The following PPFIA2 variants were observed in gnomAD, a reference collection of about 807,000 sequenced individuals.
PPFIA2 encodes PPFI scaffold protein A2.
In PPFIA2, 46 loss-of-function variants were observed where a neutral mutation model predicts 175.5. That is an observed-to-expected ratio of 0.26 (90% CI 0.21 to 0.34). PPFIA2 has a LOEUF of 0.34. Among genes scored for constraint, PPFIA2 ranks in the 10% least tolerant of loss-of-function variants. PPFIA2 has a pLI of 1.00. For missense variants in PPFIA2, 1,179 were observed against 1,506.1 expected (o/e 0.78, Z 3.60); for synonymous variants, 568 against 511.4 (o/e 1.11, Z -1.49).
intron 4 of PPFIA2, among the ~76,000 whole-genome samples, chr12:81,609,882 C>A (rs1406369776): frequency 6.6e-6 from 1 of 152,122 alleles, no homozygotes; most frequent in South Asian, 2.1e-4. Flanking sequence ...GGGCTATGCA[C>A]TTAAATGTGT....
chr12:81,313,348 C>T (rs970619516), intron 22 of PPFIA2, among the ~76,000 whole-genome samples: 5 of 152,032 alleles, frequency 3.3e-5, no homozygotes, highest in Non-Finnish European at 4.4e-5. Flanking sequence ...TCTTTTTTAT[C>T]GCACAATTAT....
In PPFIA2 at chr12:81,267,935, G is replaced by A; in HGVS notation, c.3463C>T (p.Gln1155Ter). The change falls in exon 29 of 33, where the codon CAG becomes TAG. Residue 1155 changes from glutamine to a stop codon, truncating the protein, a stop_gained. Coordinates refer to ENST00000549396, the MANE Select transcript of PPFIA2 (RefSeq NM_003625.5). LOFTEE classifies it high-confidence loss of function. ...GCCTGGGTGTTCTGTGTTGGAATCT[G>A]TAATAATAAAGCTAAGCTGCTGTAG... Reference protein sequence around the residue: ...FDYSSLALLLQIPTQNTQARQ... With the variant: ...FDYSSLALLL The A allele has an allele frequency of 6.3e-7, 1 of 1,596,740 alleles. No individual in the cohort carries two copies. Among genetic ancestry groups the A allele is most frequent in the Non-Finnish European group, 8.5e-7 (1 of 1,170,650 alleles).
At chr12:81,661,825 AG>A (rs1456681916) in intron 4 of PPFIA2, among the ~76,000 whole-genome samples, 2 of 152,230 alleles carry the variant, frequency 1.3e-5, no homozygotes, top group African/African-American at 2.4e-5. Context: ...CAAATCTAAA[AG>A]AACAGAAATT....
At chr12:81,529,874 G>A (rs1262266481) in intron 4 of PPFIA2, among the ~76,000 whole-genome samples, 1 of 151,776 alleles carries the variant, frequency 6.6e-6, no homozygotes, top group Non-Finnish European at 1.5e-5. Flanking sequence ...ATGGGTACTA[G>A]GCTTAATACC....
chr12:81,429,812 G>A (rs2144397754), intron 7 of PPFIA2, among the ~76,000 whole-genome samples: 1 of 152,174 alleles, frequency 6.6e-6, no homozygotes, highest in Non-Finnish European at 1.5e-5. Context: ...TGTTTCAGTT[G>A]ATAAGAGCTG....
rs539044530 is a variant in PPFIA2, at chr12:81,335,240, A to G, written c.2548+3940T>C. On this transcript the variant is annotated intron_variant, in intron 21 of 32. Transcript: ENST00000549396. ...ACATGAGCATATTTGAGCAATAATG[A>G]AAATATCAGAGATGCATTGCATATG... Among the ~76,000 whole-genome samples the G allele has an allele frequency of 1.2e-4, 19 of 152,302 alleles. No individual in the cohort carries two copies. The East Asian group carries it at 3.5e-3, about 28-fold the overall frequency.
intron 4 of PPFIA2, among the ~76,000 whole-genome samples, chr12:81,553,651 A>G (rs193101171): frequency 6.6e-6 from 1 of 152,214 alleles, no homozygotes; most frequent in Non-Finnish European, 1.5e-5. Flanking sequence ...CTGAGCTGCT[A>G]GACATGTGAG....
At chr12:81,365,472 G>T (rs531307601) in intron 14 of PPFIA2, among the ~76,000 whole-genome samples, 2 of 151,706 alleles carry the variant, frequency 1.3e-5, no homozygotes, top group African/African-American at 2.4e-5. Context: ...GGTAGGTGGT[G>T]GGGGAGTGGG....
intron 22 of PPFIA2, among the ~76,000 whole-genome samples, chr12:81,319,597 T>A (rs1192297155): frequency 6.6e-6 from 1 of 151,852 alleles, no homozygotes; most frequent in Non-Finnish European, 1.5e-5. Context: ...AGTAATTGTG[T>A]CTGTACTAAA....
intron 7 of PPFIA2, among the ~76,000 whole-genome samples, chr12:81,406,802 A>G (rs1398005751): frequency 6.6e-6 from 1 of 152,162 alleles, no homozygotes; most frequent in Non-Finnish European, 1.5e-5. Flanking sequence ...ATAAAGGTAC[A>G]TAGTATTTAG....
intron 4 of PPFIA2, among the ~76,000 whole-genome samples, chr12:81,561,097 C>T (rs1234487324): frequency 2.0e-5 from 3 of 152,078 alleles, no homozygotes; most frequent in African/African-American, 7.2e-5. Context: ...AGTGTAATGG[C>T]ATTCCAAATT....
At chr12:81,563,638 C>T (rs958849423) in intron 4 of PPFIA2, among the ~76,000 whole-genome samples, 3 of 152,174 alleles carry the variant, frequency 2.0e-5, no homozygotes, top group Non-Finnish European at 2.9e-5. Context: ...AAACAGACTA[C>T]AGCTCACCAG....
intron 9 of PPFIA2, among the ~76,000 whole-genome samples, chr12:81,380,179 A>G (rs543993497): frequency 1.3e-5 from 2 of 152,230 alleles, no homozygotes; most frequent in African/African-American, 4.8e-5. Flanking sequence ...AGCCTAAGCA[A>G]CATAGTGGGA....
chr12:81,698,380 T>C (rs1434311543), intron 3 of PPFIA2, among the ~76,000 whole-genome samples: 1 of 152,118 alleles, frequency 6.6e-6, no homozygotes, highest in African/African-American at 2.4e-5. Context: ...CTCTTAAACA[T>C]GCTTTCTTGC....
intron 3 of PPFIA2, among the ~76,000 whole-genome samples, chr12:81,714,912 T>C (rs2078398789): frequency 6.6e-6 from 1 of 151,040 alleles, no homozygotes; most frequent in East Asian, 2.0e-4. Flanking sequence ...TTGATAGGAA[T>C]TGCTCTAGCA....
intron 22 of PPFIA2, chr12:81,312,341 C>T (rs2051136015): frequency 1.6e-6 from 1 of 631,048 alleles, no homozygotes; most frequent in African/African-American, 1.8e-5. Flanking sequence ...GACACACATA[C>T]TCACTGCGTC....
At chr12:81,563,098 A>T (rs1298221215) in intron 4 of PPFIA2, among the ~76,000 whole-genome samples, 1 of 151,778 alleles carries the variant, frequency 6.6e-6, no homozygotes, top group East Asian at 2.0e-4. Flanking sequence ...TTTTCTATAT[A>T]TATGTTCTTC....
At chr12:81,500,914 T>A (rs1173711653) in intron 4 of PPFIA2, among the ~76,000 whole-genome samples, 2 of 152,186 alleles carry the variant, frequency 1.3e-5, no homozygotes, top group Non-Finnish European at 2.9e-5. Context: ...CATAATCAGA[T>A]TAACTCAGAT....
chr12:81,524,772 G>A (rs1245791173), intron 4 of PPFIA2, among the ~76,000 whole-genome samples: 1 of 152,180 alleles, frequency 6.6e-6, no homozygotes, highest in East Asian at 1.9e-4. Context: ...GGGGCAGAAT[G>A]AAATGGTCTA....
Sources: allele counts gnomAD v4.1 joint callset (sites outside exome capture counted in the v4.1 genomes callset), GRCh38; gene constraint gnomAD v4.1.1; transcripts MANE v1.5; gene names NCBI Gene and HGNC (gene_info 2026-07-23, HGNC 2026-07-21).